The following RBFOX1 variants were observed in gnomAD, a reference collection of about 807,000 sequenced individuals.
The protein encoded by RBFOX1 is RNA binding fox-1 homolog 1.
A neutral mutation model predicts 57.7 loss-of-function variants in RBFOX1; 8 were observed. The ratio of observed to expected loss-of-function variants is 0.14; its 90% CI spans 0.08 to 0.25. The LOEUF (loss-of-function observed/expected upper bound fraction) is 0.25, where lower values mean the gene tolerates loss of function less well. Among genes scored for constraint, RBFOX1 ranks in the 10% least tolerant of loss-of-function variants. The pLI, the probability that RBFOX1 is intolerant of heterozygous loss-of-function variation, is 1.00. For synonymous variants in RBFOX1, 326 were observed against 222.4 expected (o/e 1.47, Z -4.15); for missense variants, 611 against 548.5 (o/e 1.11, Z -1.14).
intron 2 of RBFOX1, among the ~76,000 whole-genome samples, chr16:5,572,811 A>C (rs961158185): frequency 6.6e-6 from 1 of 152,184 alleles, no homozygotes; most frequent in African/African-American, 2.4e-5. Flanking sequence ...GATGGGGCAG[A>C]AGGAGGAAGA....
At chr16:6,153,521 C>A (rs923834422) in intron 1 of RBFOX1, among the ~76,000 whole-genome samples, 1 of 152,006 alleles carries the variant, frequency 6.6e-6, no homozygotes, top group African/African-American at 2.4e-5. Flanking sequence ...TCCAAGTTCC[C>A]AAAGTCCATT....
chr16:7,624,777 G>A (rs2059831139), intron 10 of RBFOX1, among the ~76,000 whole-genome samples: 1 of 152,138 alleles, frequency 6.6e-6, no homozygotes, highest in Admixed American at 6.5e-5. Context: ...TCAGTGGAGA[G>A]TTCTATTTTT....
At chr16:6,316,192 A>C (rs2081102269) in intron 1 of RBFOX1, among the ~76,000 whole-genome samples, 1 of 136,482 alleles carries the variant, frequency 7.3e-6, no homozygotes, top group South Asian at 2.3e-4. Context: ...CCTTGGGTAT[A>C]GGATGCCGTA....
intron 3 of RBFOX1, among the ~76,000 whole-genome samples, chr16:6,779,018 C>T (rs936872379): frequency 6.6e-6 from 1 of 151,778 alleles, no homozygotes; most frequent in Admixed American, 6.6e-5. Context: ...TGCAAACATT[C>T]CAAAACTACT....
intron 3 of RBFOX1, among the ~76,000 whole-genome samples, chr16:6,925,455 C>CATTTATTTATTTATTTATTTATTT (rs35991387): frequency 2.0e-5 from 3 of 147,366 alleles, no homozygotes; most frequent in African/African-American, 2.5e-5. Context: ...ATGGACTCCA[C>CATTTATTTATTTATTTATTTATTT]ATTTATTTAT....
chr16:7,159,307 G>A (rs911346366), intron 4 of RBFOX1, among the ~76,000 whole-genome samples: 14 of 152,114 alleles, frequency 9.2e-5, no homozygotes, highest in East Asian at 1.9e-4. Flanking sequence ...TTGTCACTGC[G>A]TCATGCCTAT....
At position 5,274,415 on chromosome 16, in the gene RBFOX1, G is replaced by C. The variant is rs185209089; in HGVS notation, c.219+34310G>C. On this transcript the variant is annotated intron_variant, in intron 1 of 2. Coordinates refer to the RBFOX1 transcript ENST00000585867. ...GTGGTCGTGGGTGCCTGTAGTCCCA[G>C]CTACTCTGGAGGCTGAAGCATGAGA... Among the ~76,000 whole-genome samples, 8 of 152,300 alleles carry C rather than the reference G, an allele frequency of 5.3e-5. No individual in the cohort carries two copies. The East Asian group carries it at 1.2e-3, about 22-fold the overall frequency.
intron 3 of RBFOX1, chr16:6,704,395 G>T (rs541682977): frequency 2.6e-5 from 4 of 152,386 alleles, no homozygotes; most frequent in African/African-American, 9.6e-5. Context: ...ACATGAGGTG[G>T]TTCTGCTGTC....
intron 1 of RBFOX1, among the ~76,000 whole-genome samples, chr16:5,433,575 C>T (rs749567982): frequency 1.8e-4 from 27 of 152,248 alleles, no homozygotes; most frequent in African/African-American, 6.5e-4. Context: ...AAGAGAGGGA[C>T]ACAAAGAGAT....
chr16:7,258,566 G>T (rs1603451500), intron 4 of RBFOX1, among the ~76,000 whole-genome samples: 1 of 152,094 alleles, frequency 6.6e-6, no homozygotes, highest in African/African-American at 2.4e-5. Context: ...TGGCACATCT[G>T]TAATTTACTC....
At chr16:7,567,686 G>GATATATATCCCTATATATAATCCCTATAT (rs2092212972) in intron 5 of RBFOX1, among the ~76,000 whole-genome samples, 1 of 113,402 alleles carries the variant, frequency 8.8e-6, no homozygotes, top group African/African-American at 3.3e-5. Flanking sequence ...GCCCTATATA[G>GATATATATCCCTATATATAATCCCTATAT]ATATATATCC....
chr16:6,460,234 G>T (rs2094884630), intron 2 of RBFOX1, among the ~76,000 whole-genome samples: 1 of 151,900 alleles, frequency 6.6e-6, no homozygotes, highest in Non-Finnish European at 1.5e-5. Flanking sequence ...CTTGTACGTG[G>T]CCATCTTTTC....
chr16:6,964,312 C>A (rs142269535), intron 3 of RBFOX1, among the ~76,000 whole-genome samples: 1 of 152,304 alleles, frequency 6.6e-6, no homozygotes, highest in South Asian at 2.1e-4. Context: ...AGCTGTTGTG[C>A]CTGGCAGCAT....
At chr16:6,331,445 G>C (rs2083015062) in intron 2 of RBFOX1, among the ~76,000 whole-genome samples, 1 of 148,944 alleles carries the variant, frequency 6.7e-6, no homozygotes, top group African/African-American at 2.5e-5. Context: ...AAGAAAAAAA[G>C]TCTGGGAGGG....
rs562601633 is a variant in RBFOX1, at chr16:6,666,366, C to G, written c.-16+11716C>G. Among the ~76,000 whole-genome samples the G allele has an allele frequency of 2.0e-5, 3 of 152,140 alleles. No homozygotes were observed. In the South Asian group the frequency reaches 6.2e-4, roughly 32 times the overall value. On this transcript the variant is annotated intron_variant, in intron 3 of 15. Coordinates refer to ENST00000550418, the MANE Select transcript of RBFOX1 (RefSeq NM_018723.4). ...CTGGCCAACATGATGAAACCCTTGT[C>G]TCTACCACAAGTACAAAATGTATCC...
intron 3 of RBFOX1, among the ~76,000 whole-genome samples, chr16:5,660,248 G>A (rs1017185444): frequency 3.9e-5 from 6 of 152,110 alleles, no homozygotes; most frequent in African/African-American, 9.7e-5. Context: ...ATTCTCAAGC[G>A]CCCCAGTGAG....
At chr16:5,872,584 A>G (rs897314792) in intron 4 of RBFOX1, among the ~76,000 whole-genome samples, 1 of 152,024 alleles carries the variant, frequency 6.6e-6, no homozygotes, top group African/African-American at 2.4e-5. Flanking sequence ...AAAGAAAAAA[A>G]AAATTGGCAG....
intron 3 of RBFOX1, among the ~76,000 whole-genome samples, chr16:5,653,877 G>C (rs1272556342): frequency 3.3e-5 from 5 of 152,182 alleles, no homozygotes; most frequent in Admixed American, 3.3e-4. Context: ...GTGGGCAGGA[G>C]GGCTGCTCTC....
At chr16:6,443,230 G>C (rs1178820711) in intron 2 of RBFOX1, among the ~76,000 whole-genome samples, 1 of 152,124 alleles carries the variant, frequency 6.6e-6, no homozygotes, top group East Asian at 1.9e-4. Context: ...AAGGTGTGAA[G>C]ATTTCTTTCC....
Sources: gnomAD v4.1 joint callset for allele counts (sites outside exome capture counted in the v4.1 genomes callset) on GRCh38, gnomAD v4.1.1 for gene constraint, MANE v1.5 for transcripts, NCBI Gene and HGNC (gene_info 2026-07-23, HGNC 2026-07-21) for gene names.